PRSS23: variants seen among roughly 807,000 people sequenced by gnomAD.
The protein encoded by PRSS23 is serine protease 23.
A neutral mutation model predicts 34.7 loss-of-function variants in PRSS23; 25 were observed. The observed-to-expected ratio is 0.72, with a 90% confidence interval of 0.53 to 1.01. The LOEUF (loss-of-function observed/expected upper bound fraction) is 1.01, where lower values mean the gene tolerates loss of function less well. PRSS23 is among the 50% of genes least tolerant of loss of function. The pLI is 0.00. For synonymous variants in PRSS23, 176 were observed against 186.6 expected (o/e 0.94, Z 0.46); for missense variants, 445 against 475.6 (o/e 0.94, Z 0.60).
At chr11:86,923,655 A>C (rs1431564063) in intron 2 of PRSS23, among the ~76,000 whole-genome samples, 1 of 152,204 alleles carries the variant, frequency 6.6e-6, no homozygotes, top group African/African-American at 2.4e-5. Context: ...TTCTTATGTA[A>C]GAAAACTGAT....
upstream of PRSS23, among the ~76,000 whole-genome samples, chr11:86,796,056 C>T (rs894771226): frequency 1.3e-5 from 2 of 152,092 alleles, no homozygotes; most frequent in Non-Finnish European, 2.9e-5. Flanking sequence ...ACAGGTCATT[C>T]GTGAGTTATT....
intron 2 of PRSS23, among the ~76,000 whole-genome samples, chr11:86,900,747 A>G (rs940181528): frequency 4.5e-5 from 6 of 133,110 alleles, no homozygotes; most frequent in Non-Finnish European, 7.9e-5. Flanking sequence ...GCTAGTACCC[A>G]CTCCTTCAAA....
intron 2 of PRSS23, among the ~76,000 whole-genome samples, chr11:86,904,642 T>C (rs1057151818): frequency 6.6e-6 from 1 of 152,302 alleles, no homozygotes; most frequent in Middle Eastern, 3.4e-3. Flanking sequence ...TACTTTAGGC[T>C]CTGTAGGCCG....
In PRSS23 at chr11:86,939,426, A is replaced by ATTT; in HGVS notation, c.207-11786_207-11784dup. 3.0e-3 allele frequency among the ~76,000 whole-genome samples: 280 copies of ATTT among 94,056 alleles called. 4 individuals are homozygous for ATTT. Among genetic ancestry groups the ATTT allele is most frequent in the Non-Finnish European group, 3.6e-3 (156 of 43,160 alleles). 61.7% of individuals were successfully genotyped at this position (94,056 alleles called of 152,430 possible). A position where few individuals can be genotyped will look rare whatever the true frequency, so the allele number is the denominator to read the frequency against. On this transcript the variant is annotated intron_variant, in intron 2 of 2. Coordinates refer to the PRSS23 transcript ENST00000533902. The stretch of plus-strand genomic sequence containing the variant: ...AAAATATATATATATATATATATAT[A>ATTT]TTTTTTAACATGAGTAAAAATTGCA...
chr11:86,891,151 G>A (rs1948838812), intron 2 of PRSS23, among the ~76,000 whole-genome samples: 3 of 152,144 alleles, frequency 2.0e-5, no homozygotes, highest in Admixed American at 2.0e-4. Flanking sequence ...GAGCCTGTGA[G>A]ACATTTACAG....
intron 2 of PRSS23, among the ~76,000 whole-genome samples, chr11:86,875,974 G>C (rs1948721556): frequency 6.6e-6 from 1 of 152,126 alleles, no homozygotes; most frequent in African/African-American, 2.4e-5. Flanking sequence ...ATAAAACACT[G>C]TGGGCTCCTT....
chr11:86,887,924 C>T (rs1407091452), intron 2 of PRSS23, among the ~76,000 whole-genome samples: 6 of 151,716 alleles, frequency 4.0e-5, no homozygotes, highest in East Asian at 1.9e-4. Flanking sequence ...TGGTGGCGGG[C>T]GCCTGTAATC....
intron 2 of PRSS23, among the ~76,000 whole-genome samples, chr11:86,893,770 T>C (rs1565379297): frequency 1.3e-5 from 2 of 152,278 alleles, no homozygotes; most frequent in Non-Finnish European, 2.9e-5. Flanking sequence ...TTTACTCTCA[T>C]ACAAATATAA....
intron 2 of PRSS23, among the ~76,000 whole-genome samples, chr11:86,883,618 T>A (rs544755045): frequency 3.5e-4 from 54 of 152,160 alleles, no homozygotes; most frequent in African/African-American, 1.3e-3. Flanking sequence ...CAAAAGCAAA[T>A]TCAATAAAAG....
At chr11:86,951,710 A>T in exon 3 of PRSS23, 1 of 1,614,186 alleles carries the variant, frequency 6.2e-7, no homozygotes, top group Non-Finnish European at 8.5e-7. Flanking sequence ...CCAGGCTGCA[A>T]TGTGGAAATA....
intron 2 of PRSS23, among the ~76,000 whole-genome samples, chr11:86,879,820 T>G (rs1360943878): frequency 1.1e-3 from 34 of 31,590 alleles, no homozygotes; most frequent in Admixed American, 1.9e-3. Flanking sequence ...GGGAGGGAGG[T>G]GGGGGGGGTC....
chr11:86,944,115 A>G (rs1200593317), intron 2 of PRSS23, among the ~76,000 whole-genome samples: 1 of 152,098 alleles, frequency 6.6e-6, no homozygotes, highest in Non-Finnish European at 1.5e-5. Flanking sequence ...GGAGGATCCA[A>G]GGAAGAATCT....
chr11:86,938,449 T>G (rs920320595), intron 2 of PRSS23, among the ~76,000 whole-genome samples: 5 of 152,098 alleles, frequency 3.3e-5, no homozygotes, highest in Admixed American at 6.6e-5. Context: ...AAGAGCCTCC[T>G]GGCTCAGGAG....
At chr11:86,944,771 G>A (rs564293177) in intron 2 of PRSS23, among the ~76,000 whole-genome samples, 1 of 152,156 alleles carries the variant, frequency 6.6e-6, no homozygotes. Flanking sequence ...CAGCCCAACC[G>A]GGAAAACCAT....
chr11:86,808,113 C>G lies in PRSS23; in HGVS notation c.470C>G (p.Ser157Cys). Reference sequence around the variant, plus strand: ...CCTTTCTCAACATCAGTGAAGTTATCCACGGGCTGCACCGGCACCCTGGTG... The same window carrying G: ...CCTTTCTCAACATCAGTGAAGTTATGCACGGGCTGCACCGGCACCCTGGTG... The part of the protein sequence containing the change: ...NYPFSTSVKL[S>C]TGCTGTLVAE... The change falls in exon 2 of 2, where the codon TCC becomes TGC. Residue 157 changes from serine to cysteine, a missense_variant. Physicochemically the swap from Ser to Cys is moderately radical, Grantham distance 112. Transcript: ENST00000280258. 6.2e-7 allele frequency: 1 copy of G among 1,614,188 alleles called. No homozygotes were observed. The highest frequency in any genetic ancestry group is 2.2e-5 in the East Asian group (1 of 44,870).
upstream of PRSS23, among the ~76,000 whole-genome samples, chr11:86,798,934 A>G (rs989947298): frequency 1.3e-5 from 2 of 152,250 alleles, no homozygotes; most frequent in South Asian, 2.1e-4. Context: ...AGTTCAAGCA[A>G]TCTGCCCACT....
intron 1 of PRSS23, among the ~76,000 whole-genome samples, chr11:86,804,706 T>C (rs1341568151): frequency 6.6e-6 from 1 of 152,230 alleles, no homozygotes; most frequent in Non-Finnish European, 1.5e-5. Flanking sequence ...TTTAGCATTC[T>C]CTAACAGGAT....
At chr11:86,876,960 G>C (rs1948728876) in intron 2 of PRSS23, among the ~76,000 whole-genome samples, 1 of 152,154 alleles carries the variant, frequency 6.6e-6, no homozygotes, top group Non-Finnish European at 1.5e-5. Flanking sequence ...TCCATCATAA[G>C]AAAGAGTTGT....
At position 86,833,383 on chromosome 11, in the gene PRSS23, G is replaced by A; in HGVS notation, c.206+9790G>A. On this transcript the variant is annotated intron_variant, in intron 2 of 2. Coordinates refer to the PRSS23 transcript ENST00000533902. ...CATGAACAGGAACAGCCCAGCGAGG[G>A]CCAGCTGCAGTTTTGGATCCTCTGA... is the stretch of plus-strand genomic sequence containing the variant. 4 of 694,394 alleles carry A rather than the reference G, an allele frequency of 5.8e-6. No individual in the cohort carries two copies. The East Asian group carries it at 9.5e-5, about 16-fold the overall frequency. 43.0% of individuals were successfully genotyped at this position (694,394 alleles called of 1,614,324 possible).
Sources: gnomAD v4.1 joint callset for allele counts (sites outside exome capture counted in the v4.1 genomes callset) on GRCh38, gnomAD v4.1.1 for gene constraint, MANE v1.5 for transcripts, NCBI Gene and HGNC (gene_info 2026-07-23, HGNC 2026-07-21) for gene names.